The following SNX8 variants were observed in gnomAD, a reference collection of about 807,000 sequenced individuals.
SNX8 encodes the protein sorting nexin-8.
Under a neutral mutation model 51.6 loss-of-function variants are expected in SNX8, and 25 were observed. The ratio of observed to expected loss-of-function variants is 0.48; its 90% CI spans 0.35 to 0.68. The LOEUF is 0.68. Among genes scored for constraint, SNX8 ranks in the 30% least tolerant of loss-of-function variants. The pLI is 0.00. For synonymous variants in SNX8, 324 were observed against 277.0 expected (o/e 1.17, Z -1.68); for missense variants, 695 against 624.0 (o/e 1.11, Z -1.21).
chr7:2,298,893 A>T (rs1796331659), intron 1 of SNX8, among the ~76,000 whole-genome samples: 1 of 151,944 alleles, frequency 6.6e-6, no homozygotes, highest in South Asian at 2.1e-4. Context: ...GGGTTTCGCC[A>T]TGATGGCCAG....
chr7:2,339,244 C>A (rs181276981), intron 1 of SNX8, among the ~76,000 whole-genome samples: 4 of 151,960 alleles, frequency 2.6e-5, no homozygotes, highest in Admixed American at 1.3e-4. Flanking sequence ...CTGGCCCTGT[C>A]GCTCAGGCTG....
chr7:2,334,824 C>T (rs1163284707), intron 1 of SNX8, among the ~76,000 whole-genome samples: 1 of 137,272 alleles, frequency 7.3e-6, no homozygotes, highest in African/African-American at 2.8e-5. Flanking sequence ...GCTATGATTG[C>T]ACCACTGCAC....
chr7:2,343,397 C>T (rs1014441169), intron 1 of SNX8, among the ~76,000 whole-genome samples: 3 of 151,774 alleles, frequency 2.0e-5, no homozygotes, highest in East Asian at 2.0e-4. Context: ...TCATACAGGC[C>T]GGGCATGGTG....
intron 1 of SNX8, among the ~76,000 whole-genome samples, chr7:2,352,743 A>G (rs367600654): frequency 1.4e-4 from 21 of 151,972 alleles, no homozygotes; most frequent in East Asian, 1.2e-3. Flanking sequence ...GGCTGAGGCA[A>G]GAGAATGGCG....
chr7:2,262,885 A>G (rs1795370986), intron 7 of SNX8, among the ~76,000 whole-genome samples: 1 of 152,212 alleles, frequency 6.6e-6, no homozygotes, highest in East Asian at 1.9e-4. Flanking sequence ...TGGGAGGCCG[A>G]GGCGGGCAGG....
At chr7:2,305,762 T>A (rs1175721716) in intron 1 of SNX8, among the ~76,000 whole-genome samples, 1 of 152,028 alleles carries the variant, frequency 6.6e-6, no homozygotes, top group Non-Finnish European at 1.5e-5. Flanking sequence ...ACCAAACACG[T>A]GTAACCACCA....
chr7:2,257,639 C>T, intron 8 of SNX8, 96 bp downstream of exon 8: 3 of 1,563,044 alleles, frequency 1.9e-6, no homozygotes, highest in Admixed American at 1.7e-5. Context: ...CCTGGCTTCT[C>T]AGCTCCTCTT....
intron 1 of SNX8, among the ~76,000 whole-genome samples, chr7:2,302,793 G>A (rs183492283): frequency 7.2e-5 from 9 of 125,596 alleles, no homozygotes; most frequent in African/African-American, 1.2e-4. Context: ...GCCCGGCCGC[G>A]ACCTCGTCTG....
At chr7:2,321,671 C>T (rs1778516888) in intron 1 of SNX8, among the ~76,000 whole-genome samples, 2 of 150,040 alleles carry the variant, frequency 1.3e-5, no homozygotes, top group Non-Finnish European at 2.9e-5. Context: ...TCCTCGGCCT[C>T]CCAAAGTGCT....
At chr7:2,338,927 T>C (rs1056736992) in intron 1 of SNX8, among the ~76,000 whole-genome samples, 1 of 152,066 alleles carries the variant, frequency 6.6e-6, no homozygotes, top group Non-Finnish European at 1.5e-5. Context: ...TTTTTATTTT[T>C]CCGAGACAAG....
chr7:2,331,872 T>C (rs1170840273), intron 1 of SNX8, among the ~76,000 whole-genome samples: 1 of 141,300 alleles, frequency 7.1e-6, no homozygotes, highest in Admixed American at 7.0e-5. Context: ...ACAGCAAGAT[T>C]CTGTCTCAAA....
At chr7:2,339,833 A>G (rs1358560814) in intron 1 of SNX8, among the ~76,000 whole-genome samples, 3 of 152,150 alleles carry the variant, frequency 2.0e-5, no homozygotes, top group Non-Finnish European at 2.9e-5. Context: ...TTTATTTTTA[A>G]AAAGAACAGA....
intron 1 of SNX8, among the ~76,000 whole-genome samples, chr7:2,285,820 C>A (rs1262874480): frequency 2.0e-5 from 3 of 151,674 alleles, no homozygotes; most frequent in African/African-American, 7.3e-5. Context: ...ATGTAGTACA[C>A]GTGTGCACCA....
At chr7:2,284,414 T>TC (rs1795975300) in intron 1 of SNX8, among the ~76,000 whole-genome samples, 1 of 145,592 alleles carries the variant, frequency 6.9e-6, no homozygotes, top group South Asian at 2.2e-4. Context: ...TTTTTTTTTT[T>TC]TTTTTGAGAC....
intron 5 of SNX8, among the ~76,000 whole-genome samples, chr7:2,268,017 G>A (rs1335821661): frequency 1.5e-4 from 21 of 144,174 alleles, no homozygotes; most frequent in South Asian, 2.2e-4. Flanking sequence ...CCGTCTGGGA[G>A]GTGAGGAGCG....
At chr7:2,315,953 C>T (rs1164188869), upstream of SNX8, among the ~76,000 whole-genome samples, 2 of 150,868 alleles carry the variant, frequency 1.3e-5, no homozygotes, top group Non-Finnish European at 3.0e-5. Flanking sequence ...CATTCATCCA[C>T]TCACTCACTC....
chr7:2,286,583 T>C (rs1322624707), intron 1 of SNX8, among the ~76,000 whole-genome samples: 1 of 151,388 alleles, frequency 6.6e-6, no homozygotes, highest in East Asian at 2.0e-4. Context: ...AGTGGCACGA[T>C]CTCGGCTCAC....
Position 2,314,392 on chromosome 7 carries a change from G to C in SNX8, c.30C>G (p.Pro10=), listed in dbSNP as rs776980287. 4 of 1,220,890 alleles carry C rather than the reference G, an allele frequency of 3.3e-6. No individual in the cohort carries two copies. In the East Asian group the frequency reaches 9.8e-5, roughly 30 times the overall value. 75.6% of individuals were successfully genotyped at this position (1,220,890 alleles called of 1,614,324 possible). A position where few individuals can be genotyped will look rare whatever the true frequency, so the allele number is the denominator to read the frequency against. Residue 10 remains proline (P), a synonymous_variant, in exon 1 of 11, where the codon CCC becomes CCG. Transcript: ENST00000222990. The stretch of plus-strand genomic sequence containing the variant: ...CAGCTGCCGCCCCGACTGCAGCCGC[G>C]GGCAGCGGGTCCATCGCGCGGCCAG... MTGRAMDPL[P]AAAVGAAAEA...
chr7:2,346,446 C>T (rs1247021332), intron 1 of SNX8, among the ~76,000 whole-genome samples: 5 of 144,374 alleles, frequency 3.5e-5, no homozygotes, highest in South Asian at 2.2e-4. Context: ...ACTCTCAAAA[C>T]GAAAAAAAAA....
Sources: allele counts gnomAD v4.1 joint callset (sites outside exome capture counted in the v4.1 genomes callset), GRCh38; gene constraint gnomAD v4.1.1; transcripts MANE v1.5; gene names NCBI Gene and HGNC (gene_info 2026-07-23, HGNC 2026-07-21).